The following POFUT2 variants were observed in gnomAD, a reference collection of about 807,000 sequenced individuals.
The protein encoded by POFUT2 is GDP-fucose protein O-fucosyltransferase 2.
POFUT2 carries 30 observed loss-of-function variants against 55.0 expected under a neutral mutation model. That is an observed-to-expected ratio of 0.55 (90% CI 0.41 to 0.74). POFUT2 has a LOEUF of 0.74. Among genes scored for constraint, POFUT2 ranks in the 30% least tolerant of loss-of-function variants. The pLI is 0.00. For missense variants in POFUT2, 524 were observed against 562.6 expected, an observed-to-expected ratio of 0.93 and a Z score of 0.69; for synonymous variants, 267 against 231.1, an observed-to-expected ratio of 1.16 and a Z score of -1.41.
chr21:45,266,705 A>C, intron 8 of POFUT2: 1 of 1,002,668 alleles, frequency 1.0e-6, no homozygotes, highest in Non-Finnish European at 1.2e-6. Flanking sequence ...TGGGTCTTAC[A>C]CACCATGCCC....
In POFUT2 at chr21:45,277,350, C is replaced by G. The variant is rs529781383; in HGVS notation, c.706-208G>C. 4.9e-6 allele frequency: 3 copies of G among 606,292 alleles called. No homozygotes were observed. Among genetic ancestry groups the G allele is most frequent in the Non-Finnish European group, 8.3e-6 (3 of 359,550 alleles). The allele number at this position is 606,292 out of a possible 1,614,324, so 37.6% of individuals were successfully genotyped here. On this transcript the variant is annotated intron_variant, in intron 5 of 8. Coordinates refer to ENST00000349485, the MANE Select transcript of POFUT2 (RefSeq NM_133635.6). This position sits in a 1 kb window ranked among gnomAD's most constrained non-coding sequence, Gnocchi z 6.9. ...CATGAAGCCAACGCAGGGCAAGCCG[C>G]CCACCCCTGCCGGCTCTGCCAGCCC...
At chr21:45,273,587 C>A (rs2093237830) in intron 6 of POFUT2, among the ~76,000 whole-genome samples, 1 of 152,162 alleles carries the variant, frequency 6.6e-6, no homozygotes, top group Admixed American at 6.5e-5. Context: ...CTAACCGAAT[C>A]CAACAACATA....
rs896112579 is a variant in POFUT2 at position 45,267,697 on chromosome 21, T to C, written c.1029A>G (p.Lys343=). ...ACCTCACCATCTCGGGTAACAGCTT[T>C]TTTAGCTCTTCATATTCTGCAAAGT... ...DAVRKEYEEL[K]KLLPEMVRFE... Residue 343 remains lysine, a synonymous_variant, in exon 8 of 9, where the codon AAA becomes AAG. Coordinates refer to ENST00000349485, the MANE Select transcript of POFUT2 (RefSeq NM_133635.6). This position sits in a 1 kb window ranked among gnomAD's most constrained non-coding sequence, Gnocchi z 4.4. 1.2e-6 allele frequency: 2 copies of C among 1,614,002 alleles called. No homozygotes were observed. The highest frequency in any genetic ancestry group is 1.3e-5 in the African/African-American group (1 of 74,932).
Position 45,282,910 on chromosome 21 carries a change from G to T in POFUT2, c.528-451C>A, listed in dbSNP as rs759734845. 2.1e-6 allele frequency: 1 copy of T among 474,112 alleles called. No individual in the cohort carries two copies. The highest frequency in any genetic ancestry group is 6.9e-5 in the East Asian group (1 of 14,494). The allele number at this position is 474,112 out of a possible 1,614,324, so 29.4% of individuals were successfully genotyped here. A position where few individuals can be genotyped will look rare whatever the true frequency, so the allele number is the denominator to read the frequency against. Reference sequence around the variant, plus strand: ...AGTGTCAGAGCCTTTAATGGCAATCGACACTTGGGACTGACAAGACCTCCA... The same window carrying T: ...AGTGTCAGAGCCTTTAATGGCAATCTACACTTGGGACTGACAAGACCTCCA... On this transcript the variant is annotated intron_variant, in intron 3 of 8. Coordinates refer to ENST00000349485, the MANE Select transcript of POFUT2 (RefSeq NM_133635.6). This position sits in a 1 kb window ranked among gnomAD's most constrained non-coding sequence, Gnocchi z 4.6.
intron 6 of POFUT2, among the ~76,000 whole-genome samples, chr21:45,276,404 C>T (rs919337763): frequency 2.6e-5 from 4 of 152,032 alleles, no homozygotes; most frequent in East Asian, 3.9e-4. Context: ...AAAGAACAAG[C>T]GAGTAAAATG....
chr21:45,278,169 C>A lies in POFUT2; in HGVS notation c.639G>T (p.Arg213=). 6.2e-7 allele frequency: 1 copy of A among 1,611,016 alleles called. No individual in the cohort carries two copies. Among genetic ancestry groups the A allele is most frequent in the Non-Finnish European group, 8.5e-7 (1 of 1,177,250 alleles). ...TCTCGGCTCTGTCTAACATCACGGA[C>A]CTGTTTTTAAACAACAGAAGAATAA... ...APLLLRNTSA[R]SVMLDRAENL... The change falls in exon 5 of 9, where the codon CGG becomes CGT. Residue 213 remains arginine (R), a splice_region_variant and synonymous_variant. Coordinates refer to ENST00000349485, the MANE Select transcript of POFUT2 (RefSeq NM_133635.6).
At chr21:45,274,260 C>A (rs1054380943) in intron 6 of POFUT2, among the ~76,000 whole-genome samples, 1 of 151,938 alleles carries the variant, frequency 6.6e-6, no homozygotes, top group Non-Finnish European at 1.5e-5. Flanking sequence ...AAAAAACCCA[C>A]AAAACTTGAT....
In POFUT2 at chr21:45,285,634, C is replaced by A; in HGVS notation, c.382+44G>T. ...CTACCTTAGAAATGACTGCCTGGCC[C>A]CAGTTAAGCAACCACGGCCTCCCAG... On this transcript the variant is annotated intron_variant, in intron 2 of 8. Transcript: ENST00000349485. The surrounding 1 kb of genome is among the most constrained non-coding windows in gnomAD (Gnocchi z 4.9). 1.2e-6 allele frequency: 2 copies of A among 1,611,794 alleles called. No individual in the cohort carries two copies. Among genetic ancestry groups the A allele is most frequent in the Non-Finnish European group, 1.7e-6 (2 of 1,179,602 alleles).
At chr21:45,275,891 A>AG (rs1317036465) in intron 6 of POFUT2, among the ~76,000 whole-genome samples, 2 of 152,104 alleles carry the variant, frequency 1.3e-5, no homozygotes, top group African/African-American at 4.8e-5. Context: ...GGCTAAAAAA[A>AG]AAAAATGATA....
chr21:45,287,033 CG>C (rs1266395581), intron 1 of POFUT2, among the ~76,000 whole-genome samples: 1 of 152,132 alleles, frequency 6.6e-6, no homozygotes, highest in Non-Finnish European at 1.5e-5. Context: ...CTGAGCAACC[CG>C]GCCCCCTTCC....
chr21:45,266,134 C>T (rs2093151711), intron 8 of POFUT2: 7 of 1,364,008 alleles, frequency 5.1e-6, no homozygotes, highest in Admixed American at 1.9e-5. Context: ...GGACACCCTT[C>T]TCCAGGGGTT....
At chr21:45,273,702 A>G (rs564099093) in intron 6 of POFUT2, among the ~76,000 whole-genome samples, 2 of 152,366 alleles carry the variant, frequency 1.3e-5, no homozygotes, top group East Asian at 3.9e-4. Context: ...AAACAGCACT[A>G]AAAACAAAAA....
chr21:45,279,804 G>A (rs893805757), intron 4 of POFUT2, among the ~76,000 whole-genome samples: 5 of 152,220 alleles, frequency 3.3e-5, no homozygotes, highest in African/African-American at 1.2e-4. Context: ...GCAAAAGAAC[G>A]AGGTGATGTC....
chr21:45,270,985 G>T lies in POFUT2; in HGVS notation c.832-966C>A, dbSNP rs1050303141. 5.3e-5 allele frequency among the ~76,000 whole-genome samples: 8 copies of T among 152,136 alleles called. No homozygotes were observed. On this transcript the variant is annotated intron_variant, in intron 6 of 8. Transcript: ENST00000349485. This position sits in a 1 kb window ranked among gnomAD's most constrained non-coding sequence, Gnocchi z 4.6. ...AATTGTGATAATATGACAAAACAAG[G>T]TTCTATAGTACCCCCAAAAGATCAT...
chr21:45,278,832 G>C (rs2030162303), intron 4 of POFUT2, among the ~76,000 whole-genome samples: 1 of 152,180 alleles, frequency 6.6e-6, no homozygotes, highest in African/African-American at 2.4e-5. Flanking sequence ...CTCGCAGGCA[G>C]GTGCCTCCTC....
At position 45,282,690 on chromosome 21, in the gene POFUT2, G is replaced by A; in HGVS notation, c.528-231C>T. 1 of 568,122 alleles carries A rather than the reference G, an allele frequency of 1.8e-6. No homozygotes were observed. 35.2% of individuals were successfully genotyped at this position (568,122 alleles called of 1,614,324 possible). A position where few individuals can be genotyped will look rare whatever the true frequency, so the allele number is the denominator to read the frequency against. On this transcript the variant is annotated intron_variant, in intron 3 of 8. Transcript: ENST00000349485. This position sits in a 1 kb window ranked among gnomAD's most constrained non-coding sequence, Gnocchi z 4.6. ...TGAGGCTTTCCCCATGATAGGGGCT[G>A]GCGGGATGGCCGGGGAGGCAGAGGG...
In POFUT2 at chr21:45,277,038, C is replaced by G; in HGVS notation, c.810G>C (p.Gln270His). ...STDDADRIPF[Q>H]EDWMKMKVKL... ...CTACCTTCATCTTCATCCAGTCCTC[C>G]TGGAAGGGGATCCTGTCTGCGTCGT... The change falls in exon 6 of 9, where the codon CAG becomes CAC. Residue 270 changes from glutamine to histidine, a missense_variant. Physicochemically the swap from Gln to His is conservative, Grantham distance 24. This residue lies in a region of POFUT2 where 250 missense variants were observed against 318.2 expected (regional missense o/e 0.79). Coordinates refer to ENST00000349485, the MANE Select transcript of POFUT2 (RefSeq NM_133635.6). This position sits in a 1 kb window ranked among gnomAD's most constrained non-coding sequence, Gnocchi z 6.9. 2 of 1,614,170 alleles carry G rather than the reference C, an allele frequency of 1.2e-6. No homozygotes were observed. Among genetic ancestry groups the G allele is most frequent in the Non-Finnish European group, 1.7e-6 (2 of 1,180,002 alleles).
rs1382260842 is a variant in POFUT2 at position 45,265,653 on chromosome 21, GGTTCC to G, written c.1137-23_1137-19del. ...TAAAAAACCTGCAAAGGATCACAGA[GGTTCC>G]AGAGTCAGGGAGAACTGGCGTCACA... On this transcript the variant is annotated intron_variant, in intron 8 of 8. Transcript: ENST00000349485. The surrounding 1 kb of genome is among the most constrained non-coding windows in gnomAD (Gnocchi z 4.6). 5 of 785,570 alleles carry G rather than the reference GGTTCC, an allele frequency of 6.4e-6. No individual in the cohort carries two copies. Among genetic ancestry groups the G allele is most frequent in the Non-Finnish European group, 8.5e-6 (5 of 587,562 alleles). The allele number at this position is 785,570 out of a possible 1,614,324, so 48.7% of individuals were successfully genotyped here.
rs1003942784 is a variant in POFUT2, at chr21:45,265,894, G to A, written c.1137-259C>T. The A allele has an allele frequency of 7.3e-5, 97 of 1,334,062 alleles. No individual in the cohort carries two copies. Among genetic ancestry groups the A allele is most frequent in the Middle Eastern group, 2.9e-4 (1 of 3,400 alleles). 82.6% of individuals were successfully genotyped at this position (1,334,062 alleles called of 1,614,324 possible). On this transcript the variant is annotated intron_variant, in intron 8 of 8. Transcript: ENST00000349485. The surrounding 1 kb of genome is among the most constrained non-coding windows in gnomAD (Gnocchi z 4.6). Reference sequence around the variant, plus strand: ...ACACCCCACAGTCAGCAGCCGCCACGCTCCTGTCCCACCGCATGTCCCCCT... The same window carrying A: ...ACACCCCACAGTCAGCAGCCGCCACACTCCTGTCCCACCGCATGTCCCCCT...
Sources: gnomAD v4.1 joint callset for allele counts (sites outside exome capture counted in the v4.1 genomes callset) on GRCh38, gnomAD v4.1.1 for gene constraint, gnomAD v4.1.1 regional missense constraint, Gnocchi (gnomAD v3.1) non-coding constraint, MANE v1.5 for transcripts, NCBI Gene and HGNC (gene_info 2026-07-23, HGNC 2026-07-21) for gene names.